Variants in KCND2 observed in about 807,000 individuals in gnomAD.
KCND2 encodes potassium voltage-gated channel subfamily D member 2.
KCND2 carries 16 observed loss-of-function variants against 54.4 expected under a neutral mutation model. The ratio of observed to expected loss-of-function variants is 0.29; its 90% confidence interval spans 0.20 to 0.45. The LOEUF is 0.45. KCND2 is among the 20% of genes least tolerant of loss of function. The probability of loss-of-function intolerance (pLI) is 1.00; values close to 1 mark genes in which losing one functional copy is unlikely to be tolerated. For synonymous variants in KCND2, 317 were observed against 310.7 expected (o/e 1.02, Z -0.21); for missense variants, 486 against 824.2 (o/e 0.59, Z 5.02).
intron 1 of KCND2, among the ~76,000 whole-genome samples, chr7:120,689,787 A>C (rs1054293700): frequency 2.0e-5 from 3 of 152,196 alleles, no homozygotes; most frequent in African/African-American, 7.2e-5. Context: ...CTGAAGAGGC[A>C]AATGAAATGA....
At chr7:120,582,405 TG>T (rs1292145831) in intron 1 of KCND2, among the ~76,000 whole-genome samples, 2 of 152,174 alleles carry the variant, frequency 1.3e-5, no homozygotes, top group Non-Finnish European at 2.9e-5. Flanking sequence ...ATAGTCAAAC[TG>T]TGCTCTCCTT....
chr7:120,524,385 A>C (rs947435836), intron 1 of KCND2, among the ~76,000 whole-genome samples: 1 of 152,192 alleles, frequency 6.6e-6, no homozygotes, highest in African/African-American at 2.4e-5. Context: ...TATAACTATT[A>C]CTTTGCTTTT....
At chr7:120,432,208 A>G (rs965183423) in intron 1 of KCND2, among the ~76,000 whole-genome samples, 1 of 152,168 alleles carries the variant, frequency 6.6e-6, no homozygotes, top group Non-Finnish European at 1.5e-5. Context: ...TCATTACTAT[A>G]TCCATCCTGG....
At chr7:120,290,170 T>C (rs1799412785) in intron 1 of KCND2, among the ~76,000 whole-genome samples, 1 of 151,814 alleles carries the variant, frequency 6.6e-6, no homozygotes, top group Non-Finnish European at 1.5e-5. Flanking sequence ...TGAATAAAGA[T>C]TTTTTTTATT....
intron 1 of KCND2, among the ~76,000 whole-genome samples, chr7:120,393,156 A>G (rs892299542): frequency 2.0e-5 from 3 of 151,984 alleles, no homozygotes; most frequent in African/African-American, 7.2e-5. Context: ...TTTTTTATCC[A>G]ATGGCATTTA....
intron 1 of KCND2, among the ~76,000 whole-genome samples, chr7:120,456,006 T>G (rs1291740632): frequency 6.6e-6 from 1 of 152,100 alleles, no homozygotes; most frequent in Non-Finnish European, 1.5e-5. Context: ...GTCTGTACAC[T>G]TATGGGAAAT....
chr7:120,515,298 C>T (rs905169945), intron 1 of KCND2, among the ~76,000 whole-genome samples: 3 of 152,134 alleles, frequency 2.0e-5, no homozygotes, highest in African/African-American at 7.2e-5. Context: ...GAAGCCCTCC[C>T]TGATCTCTCC....
intron 1 of KCND2, among the ~76,000 whole-genome samples, chr7:120,473,368 G>A (rs1160328320): frequency 6.6e-6 from 1 of 152,190 alleles, no homozygotes; most frequent in Non-Finnish European, 1.5e-5. Context: ...CATCATTATG[G>A]GAGAGGATTT....
At chr7:120,704,509 TA>T (rs1792441807) in intron 1 of KCND2, among the ~76,000 whole-genome samples, 1 of 152,192 alleles carries the variant, frequency 6.6e-6, no homozygotes, top group African/African-American at 2.4e-5. Flanking sequence ...TCACAGCTCC[TA>T]AGTATTTATG....
At chr7:120,638,645 C>T (rs1793335750) in intron 1 of KCND2, among the ~76,000 whole-genome samples, 1 of 152,030 alleles carries the variant, frequency 6.6e-6, no homozygotes, top group Non-Finnish European at 1.5e-5. Flanking sequence ...TGATTACCTC[C>T]CTAAGATTTT....
intron 1 of KCND2, among the ~76,000 whole-genome samples, chr7:120,714,539 A>C (rs745487657): frequency 3.9e-5 from 6 of 152,142 alleles, no homozygotes; most frequent in Non-Finnish European, 8.8e-5. Flanking sequence ...TTAGAATAAT[A>C]AAACATCAGC....
chr7:120,706,529 T>G (rs1473689245), intron 1 of KCND2, among the ~76,000 whole-genome samples: 6 of 152,186 alleles, frequency 3.9e-5, no homozygotes. Context: ...ATAAGGATCT[T>G]AGTCCCATTC....
chr7:120,504,802 T>G lies in KCND2; in HGVS notation c.1116-228101T>G, dbSNP rs150517198. ...GATCTTTACAATACACAGATGCATT[T>G]TTTTTGTACCTGTGGTAAGTTTTTG... On this transcript the variant is annotated intron_variant, in intron 1 of 5. Transcript: ENST00000331113. 5.1e-3 allele frequency among the ~76,000 whole-genome samples: 778 copies of G among 151,808 alleles called. 4 individuals carry two copies. Among genetic ancestry groups the G allele is most frequent in the African/African-American group, 0.017 (716 of 41,508 alleles).
chr7:120,320,796 A>T (rs1799883946), intron 1 of KCND2, among the ~76,000 whole-genome samples: 1 of 152,174 alleles, frequency 6.6e-6, no homozygotes, highest in African/African-American at 2.4e-5. Context: ...CTCTGTCGCT[A>T]ACCTGGCTGA....
chr7:120,723,261 A>T (rs1792691170), intron 1 of KCND2, among the ~76,000 whole-genome samples: 1 of 152,190 alleles, frequency 6.6e-6, no homozygotes, highest in African/African-American at 2.4e-5. Context: ...GATTTACTTG[A>T]TGGACTAATT....
chr7:120,481,777 G>C (rs1802611262), intron 1 of KCND2, among the ~76,000 whole-genome samples: 1 of 152,160 alleles, frequency 6.6e-6, no homozygotes, highest in Non-Finnish European at 1.5e-5. Context: ...TGTAAATTTT[G>C]GTGGTGTCCA....
At chr7:120,561,974 T>G (rs1263209983) in intron 1 of KCND2, among the ~76,000 whole-genome samples, 1 of 152,154 alleles carries the variant, frequency 6.6e-6, no homozygotes, top group Admixed American at 6.5e-5. Context: ...ACAGTATTTC[T>G]GAAATAAATT....
intron 1 of KCND2, among the ~76,000 whole-genome samples, chr7:120,720,660 G>A (rs1267258803): frequency 2.0e-5 from 3 of 152,110 alleles, no homozygotes; most frequent in African/African-American, 7.2e-5. Context: ...AATTTTCTGC[G>A]TTGAAAGACT....
At chr7:120,441,000 C>T (rs1238513098) in intron 1 of KCND2, among the ~76,000 whole-genome samples, 3 of 151,868 alleles carry the variant, frequency 2.0e-5, no homozygotes, top group Non-Finnish European at 4.4e-5. Context: ...AATACCCACA[C>T]AGATGTGGGT....
Sources: allele counts gnomAD v4.1 joint callset (sites outside exome capture counted in the v4.1 genomes callset), GRCh38; gene constraint gnomAD v4.1.1; transcripts MANE v1.5; gene names NCBI Gene and HGNC (gene_info 2026-07-23, HGNC 2026-07-21).